The following LRBA variants were observed in gnomAD, a reference collection of about 807,000 sequenced individuals.
The protein encoded by LRBA is LPS responsive beige-like anchor protein, also known as lipopolysaccharide-responsive and beige-like anchor protein.
Under a neutral mutation model 330.0 loss-of-function variants are expected in LRBA, and 176 were observed. That is an observed-to-expected ratio of 0.53 (90% CI 0.47 to 0.60). The LOEUF (loss-of-function observed/expected upper bound fraction) is 0.60. Ranked by LOEUF, LRBA falls within the 20% of genes least tolerant of loss-of-function variation. The probability of loss-of-function intolerance (pLI) is 0.00; values close to 1 mark genes in which losing one functional copy is unlikely to be tolerated. For missense variants in LRBA, 3,259 were observed against 3,444.8 expected (o/e 0.95, Z 1.35); for synonymous variants, 1,230 against 1,193.0 (o/e 1.03, Z -0.64).
chr4:150,845,906 T>A (rs1749778921), intron 26 of LRBA, among the ~76,000 whole-genome samples: 1 of 152,158 alleles, frequency 6.6e-6, no homozygotes, highest in Admixed American at 6.6e-5. Context: ...ATTACAAAGT[T>A]AAAAATCACA....
chr4:150,474,913 G>A (rs190893330), intron 42 of LRBA, among the ~76,000 whole-genome samples: 113 of 152,242 alleles, frequency 7.4e-4, no homozygotes, highest in African/African-American at 2.6e-3. Flanking sequence ...TATGATGTAC[G>A]TATTGGGAGT....
chr4:150,679,393 A>G (rs1651683932), intron 37 of LRBA, among the ~76,000 whole-genome samples: 1 of 152,206 alleles, frequency 6.6e-6, no homozygotes, highest in Non-Finnish European at 1.5e-5. Context: ...CAGGTCAGCT[A>G]ACTGTCCACT....
At position 150,325,855 on chromosome 4, in the gene LRBA, T is replaced by C; in HGVS notation, c.7406A>G (p.Gln2469Arg). The change falls in exon 49 of 57, where the codon CAA (glutamine) becomes CGA (arginine). Residue 2469 changes from glutamine (Q) to arginine (R), a missense_variant. Transcript: ENST00000651943. Reference sequence around the variant, plus strand: ...GGGAGGATGGGGCTCTATGAGTAGTTGAGAAGGAGTCTGTCCAAAACTTCG... The same window carrying C: ...GGGAGGATGGGGCTCTATGAGTAGTCGAGAAGGAGTCTGTCCAAAACTTCG... ...QIRSFGQTPS[Q>R]LLIEPHPPRG... The C allele has an allele frequency of 6.2e-7, 1 of 1,613,496 alleles. No homozygotes were observed. The highest frequency in any genetic ancestry group is 1.1e-5 in the South Asian group (1 of 91,038).
Position 150,341,559 on chromosome 4 carries a change from C to T in LRBA, c.7362+8433G>A, listed in dbSNP as rs567424480. On this transcript the variant is annotated intron_variant, in intron 48 of 56. Transcript: ENST00000651943. ...GCTCTTTTCCACATGCCATACTCTC[C>T]GCTTTGAATGTCCCTTCCATTTCTT... Among the ~76,000 whole-genome samples the T allele has an allele frequency of 5.3e-5, 8 of 152,170 alleles. No individual in the cohort carries two copies. In the East Asian group the frequency reaches 1.4e-3, roughly 26 times the overall value.
intron 48 of LRBA, among the ~76,000 whole-genome samples, chr4:150,333,388 T>C (rs1194991343): frequency 6.6e-6 from 1 of 152,002 alleles, no homozygotes; most frequent in Non-Finnish European, 1.5e-5. Context: ...AATAGGGAAA[T>C]AGAGACAAAA....
intron 34 of LRBA, among the ~76,000 whole-genome samples, chr4:150,777,972 C>CAAAAA (rs57988391): frequency 1.5e-5 from 1 of 65,650 alleles, no homozygotes; most frequent in Non-Finnish European, 3.0e-5. Flanking sequence ...GACTCTGTTT[C>CAAAAA]AAAAAAAAAA....
At chr4:150,630,971 T>C (rs1777320265) in intron 37 of LRBA, among the ~76,000 whole-genome samples, 1 of 152,130 alleles carries the variant, frequency 6.6e-6, no homozygotes, top group African/African-American at 2.4e-5. Flanking sequence ...TGTCATAACC[T>C]AGTGTGTCAA....
intron 37 of LRBA, among the ~76,000 whole-genome samples, chr4:150,678,853 A>AT (rs1163741889): frequency 2.6e-5 from 4 of 152,166 alleles, no homozygotes; most frequent in Non-Finnish European, 4.4e-5. Flanking sequence ...ATGGGTGTAT[A>AT]TTGCACTTAT....
chr4:150,693,753 CA>C (rs1417243145), intron 36 of LRBA, among the ~76,000 whole-genome samples: 6 of 151,872 alleles, frequency 4.0e-5, no homozygotes, highest in Admixed American at 3.9e-4. Context: ...GTTTCAGTAT[CA>C]CAAAAAAATT....
chr4:150,914,086 C>T (rs1447299783), intron 9 of LRBA, 109 bp downstream of exon 9: 8 of 820,806 alleles, frequency 9.7e-6, no homozygotes, highest in Non-Finnish European at 1.5e-5. Context: ...TAGTAGGTCT[C>T]ATTTTTCTTT....
chr4:150,980,637 C>T (rs148318674), intron 2 of LRBA, among the ~76,000 whole-genome samples: 15 of 151,764 alleles, frequency 9.9e-5, no homozygotes, highest in African/African-American at 3.4e-4. Flanking sequence ...GAGTGAAATT[C>T]GGAGAGAAAA....
chr4:150,267,761 C>A (rs777677538), intron 56 of LRBA, among the ~76,000 whole-genome samples: 1 of 152,054 alleles, frequency 6.6e-6, no homozygotes, highest in Non-Finnish European at 1.5e-5. Flanking sequence ...AAACCTCTAG[C>A]TAGACTAAGA....
intron 46 of LRBA, among the ~76,000 whole-genome samples, chr4:150,431,612 A>C (rs554848321): frequency 6.6e-6 from 1 of 152,324 alleles, no homozygotes; most frequent in Non-Finnish European, 1.5e-5. Context: ...TATTGAAATA[A>C]TATTTTGGAT....
intron 29 of LRBA, 132 bp from the exon 30 acceptor site, chr4:150,828,753 A>C: frequency 1.4e-6 from 1 of 718,386 alleles, no homozygotes; most frequent in East Asian, 2.6e-5. Context: ...AAAAGCAAAA[A>C]CTAATTACGT....
chr4:151,007,812 G>T (rs1413130184), intron 2 of LRBA, among the ~76,000 whole-genome samples: 2 of 146,612 alleles, frequency 1.4e-5, no homozygotes, highest in African/African-American at 2.5e-5. Context: ...AGCCGAGATC[G>T]CACCACTGCA....
chr4:150,692,284 T>C (rs911576545), intron 36 of LRBA, among the ~76,000 whole-genome samples: 3 of 152,182 alleles, frequency 2.0e-5, no homozygotes, highest in Non-Finnish European at 2.9e-5. Context: ...AGTGGTGTGA[T>C]CTTGGCTCAC....
At position 150,724,620 on chromosome 4, in the gene LRBA, T is replaced by C. The variant is rs150633591; in HGVS notation, c.5754+10638A>G. On this transcript the variant is annotated intron_variant, in intron 36 of 56. Transcript: ENST00000651943. ...AACCAATTCTGACGAAACAGAGACA[T>C]ATGACAACTAAGATAGTTAATTCAA... is the stretch of plus-strand genomic sequence containing the variant. 9.9e-5 allele frequency among the ~76,000 whole-genome samples: 15 copies of C among 152,174 alleles called. No individual in the cohort carries two copies. In the East Asian group the frequency reaches 2.5e-3, roughly 25 times the overall value.
chr4:150,889,625 T>C (rs138378235), intron 17 of LRBA, among the ~76,000 whole-genome samples: 32 of 152,188 alleles, frequency 2.1e-4, no homozygotes, highest in African/African-American at 7.2e-4. Context: ...ATGTTCCCTA[T>C]GAGAATCAAA....
chr4:150,738,341 GTGTTTGTC>G (rs1476024374), intron 35 of LRBA, among the ~76,000 whole-genome samples: 1 of 151,984 alleles, frequency 6.6e-6, no homozygotes, highest in African/African-American at 2.4e-5. Context: ...TTGCTAAGCT[GTGTTTGTC>G]TGTTTAATTC....
Sources: allele counts gnomAD v4.1 joint callset (sites outside exome capture counted in the v4.1 genomes callset), GRCh38; gene constraint gnomAD v4.1.1; transcripts MANE v1.5; gene names NCBI Gene and HGNC (gene_info 2026-07-23, HGNC 2026-07-21).